The following TENM3 variants were observed in gnomAD, a reference collection of about 807,000 sequenced individuals.
TENM3 encodes teneurin-3.
Under a neutral mutation model 255.1 loss-of-function variants are expected in TENM3, and 63 were observed. The observed-to-expected ratio is 0.25, with a 90% CI of 0.20 to 0.30. The LOEUF (loss-of-function observed/expected upper bound fraction) is 0.30. Among genes scored for constraint, TENM3 ranks in the 10% least tolerant of loss-of-function variants. TENM3 has a pLI of 1.00. For synonymous variants in TENM3, 1,306 were observed against 1,322.3 expected (o/e 0.99, Z 0.27); for missense variants, 2,929 against 3,461.1 (o/e 0.85, Z 3.86).
At chr4:181,828,524 C>G in the TENM3 span, among the ~76,000 whole-genome samples, 2 of 152,204 alleles carry the variant, frequency 1.3e-5, no homozygotes, top group African/African-American at 4.8e-5. Flanking sequence ...GTTTCTTGCC[C>G]AGGATTACAC....
rs190050991 is a variant in TENM3 at position 182,753,191 on chromosome 4, G to A, written c.3863-259G>A. Among the ~76,000 whole-genome samples the A allele has an allele frequency of 4.4e-3, 668 of 152,110 alleles. 2 individuals carry two copies. Among genetic ancestry groups the A allele is most frequent in the African/African-American group, 0.014 (597 of 41,494 alleles). On this transcript the variant is annotated intron_variant, in intron 20 of 27. Transcript: ENST00000511685. ...TCGAACTCCTGAGCTCAGGCAGTCC[G>A]CCTGCCTCGGCCTCGCAAAGTGCTA... is the stretch of plus-strand genomic sequence containing the variant.
chr4:181,641,675 T>A, the TENM3 span, among the ~76,000 whole-genome samples: 1 of 88,800 alleles, frequency 1.1e-5, no homozygotes, highest in Non-Finnish European at 2.2e-5. Context: ...AATATATATA[T>A]ATATAAAATA....
chr4:182,202,884 C>T lies in TENM3; in HGVS notation c.-76+58130C>T, dbSNP rs116007239. ...AGGAAGAGGGTGGATGGAAAGCCTA[C>T]ACGATCCCCAAGCCCTGGGAGACAA... is the stretch of plus-strand genomic sequence containing the variant. On this transcript the variant is annotated intron_variant, in intron 1 of 2. Transcript: ENST00000512480. Among the ~76,000 whole-genome samples the T allele has an allele frequency of 2.7e-3, 406 of 152,268 alleles. 2 individuals carry two copies. The highest frequency in any genetic ancestry group is 9.4e-3 in the African/African-American group (389 of 41,560).
chr4:181,747,153 C>G, the TENM3 span, among the ~76,000 whole-genome samples: 1 of 152,062 alleles, frequency 6.6e-6, no homozygotes, highest in Non-Finnish European at 1.5e-5. Context: ...GACTACTTTC[C>G]TCATACCCTG....
intron 7 of TENM3, among the ~76,000 whole-genome samples, chr4:182,677,261 C>T (rs1755742882): frequency 6.6e-6 from 1 of 152,122 alleles, no homozygotes; most frequent in African/African-American, 2.4e-5. Flanking sequence ...CTGTCAGCTC[C>T]TCCTCCCCAC....
the TENM3 span, among the ~76,000 whole-genome samples, chr4:181,815,696 C>T: frequency 6.6e-6 from 1 of 152,028 alleles, no homozygotes; most frequent in Non-Finnish European, 1.5e-5. Context: ...CTGTCATTTT[C>T]CAAGAAATAA....
chr4:182,540,969 T>A (rs1435288273), intron 3 of TENM3, among the ~76,000 whole-genome samples: 2 of 152,228 alleles, frequency 1.3e-5, no homozygotes, highest in Non-Finnish European at 2.9e-5. Context: ...GGTTAGTATT[T>A]ACTGAGCATT....
the TENM3 span, among the ~76,000 whole-genome samples, chr4:181,786,890 G>C: frequency 6.6e-6 from 1 of 152,114 alleles, no homozygotes; most frequent in African/African-American, 2.4e-5. Flanking sequence ...ACAGAACCTT[G>C]TGACAACCGT....
At chr4:181,605,556 AAGAAAGAAAGAAAGAGAG>A in the TENM3 span, among the ~76,000 whole-genome samples, 53 of 30,524 alleles carry the variant, frequency 1.7e-3, 4 homozygotes, top group African/African-American at 4.2e-3. Context: ...GAAAGAAAGA[AAGAAAGAAAGAAAGAGAG>A]AGAAAGAAAG....
the TENM3 span, among the ~76,000 whole-genome samples, chr4:182,136,924 AC>A: frequency 6.6e-6 from 1 of 152,168 alleles, no homozygotes; most frequent in Non-Finnish European, 1.5e-5. Context: ...TTGTCTTCCC[AC>A]TGTAAGGATT....
intron 13 of TENM3, among the ~76,000 whole-genome samples, chr4:182,718,047 C>A (rs1360538723): frequency 6.6e-6 from 1 of 152,084 alleles, no homozygotes; most frequent in African/African-American, 2.4e-5. Context: ...TCACAGTGAA[C>A]CCTACCACAG....
chr4:182,481,030 T>A (rs1439317296), intron 3 of TENM3, among the ~76,000 whole-genome samples: 1 of 152,108 alleles, frequency 6.6e-6, no homozygotes, highest in Non-Finnish European at 1.5e-5. Flanking sequence ...CTTTCTTTTT[T>A]AATATAATCC....
At chr4:182,025,121 C>T in the TENM3 span, among the ~76,000 whole-genome samples, 14 of 149,932 alleles carry the variant, frequency 9.3e-5, no homozygotes, top group African/African-American at 2.5e-4. Flanking sequence ...CTCCGCCTTG[C>T]GGGTTCACGC....
rs748916594 is a variant in TENM3, at chr4:182,628,917, G to A, written c.988+28G>A. On this transcript the variant is annotated intron_variant, in intron 5 of 27. Transcript: ENST00000511685. ...AAGAACAAGTTCTTAGAATTACTTTGTCTGTAAATCAGGGTGTTACATTGT... is the reference window on the plus strand; with the variant it reads ...AAGAACAAGTTCTTAGAATTACTTTATCTGTAAATCAGGGTGTTACATTGT... 3 of 1,331,804 alleles carry A rather than the reference G, an allele frequency of 2.3e-6. No individual in the cohort carries two copies. In the African/African-American group the frequency reaches 4.5e-5, roughly 20 times the overall value. The allele number at this position is 1,331,804 out of a possible 1,614,324, so 82.5% of individuals were successfully genotyped here.
chr4:181,609,968 A>T, the TENM3 span, among the ~76,000 whole-genome samples: 1 of 152,214 alleles, frequency 6.6e-6, no homozygotes, highest in East Asian at 1.9e-4. Flanking sequence ...GCCTGAGTGT[A>T]CCCTATCATT....
chr4:182,132,383 CTGAGGCAGAGAATTGCT>C, the TENM3 span, among the ~76,000 whole-genome samples: 1 of 151,940 alleles, frequency 6.6e-6, no homozygotes, highest in Non-Finnish European at 1.5e-5. Context: ...ACTTGGGAGG[CTGAGGCAGAGAATTGCT>C]TGAACTTGGG....
chr4:181,668,517 C>T, the TENM3 span, among the ~76,000 whole-genome samples: 1 of 152,150 alleles, frequency 6.6e-6, no homozygotes, highest in African/African-American at 2.4e-5. Context: ...TCTCTCCTAG[C>T]TTCCAGTGGT....
intron 7 of TENM3, among the ~76,000 whole-genome samples, chr4:182,675,303 A>G (rs1274937987): frequency 6.6e-6 from 1 of 152,096 alleles, no homozygotes; most frequent in Non-Finnish European, 1.5e-5. Flanking sequence ...CAGCACCAGG[A>G]GGCCAAGGTG....
chr4:181,519,611 TTGTGA>T, the TENM3 span, among the ~76,000 whole-genome samples: 160 of 152,342 alleles, frequency 1.1e-3, 1 homozygote, highest in African/African-American at 3.6e-3. Flanking sequence ...TATTCGGAGA[TTGTGA>T]TGTGATATTG....
Sources: allele counts gnomAD v4.1 joint callset (sites outside exome capture counted in the v4.1 genomes callset), GRCh38; gene constraint gnomAD v4.1.1; transcripts MANE v1.5; gene names NCBI Gene and HGNC (gene_info 2026-07-23, HGNC 2026-07-21).